CSGALNACT1: variants seen among roughly 807,000 people sequenced by gnomAD.
CSGALNACT1 encodes the protein beta4GalNAcT-1.
A neutral mutation model predicts 51.0 loss-of-function variants in CSGALNACT1; 52 were observed. The ratio of observed to expected loss-of-function variants is 1.02; its 90% CI spans 0.82 to 1.29. The LOEUF is 1.29. CSGALNACT1 is among the 50% of genes most tolerant of loss of function. The probability of loss-of-function intolerance (pLI) is 0.00; values close to 1 mark genes in which losing one functional copy is unlikely to be tolerated. For synonymous variants in CSGALNACT1, 341 were observed against 254.4 expected, an observed-to-expected ratio of 1.34 and a Z score of -3.24; for missense variants, 935 against 679.2, an observed-to-expected ratio of 1.38 and a Z score of -4.19.
intron 6 of CSGALNACT1, among the ~76,000 whole-genome samples, chr8:19,422,156 A>C (rs1029893091): frequency 6.6e-6 from 1 of 152,046 alleles, no homozygotes; most frequent in African/African-American, 2.4e-5. Context: ...AAAAAAACTT[A>C]CTTTACATAT....
At chr8:19,558,064 G>C (rs1045071278) in intron 3 of CSGALNACT1, among the ~76,000 whole-genome samples, 1 of 152,178 alleles carries the variant, frequency 6.6e-6, no homozygotes, top group African/African-American at 2.4e-5. Flanking sequence ...TCTTGGACAA[G>C]GAAATTGTAC....
At chr8:19,528,456 G>T (rs62493885) in intron 3 of CSGALNACT1, among the ~76,000 whole-genome samples, 11 of 151,902 alleles carry the variant, frequency 7.2e-5, no homozygotes, top group Non-Finnish European at 1.2e-4. Context: ...ACAAAAACAA[G>T]GTCAACATGT....
upstream of CSGALNACT1, among the ~76,000 whole-genome samples, chr8:19,686,449 T>G (rs2060982905): frequency 6.6e-6 from 1 of 152,184 alleles, no homozygotes; most frequent in East Asian, 1.9e-4. Flanking sequence ...TAACTGACCT[T>G]CCTCTTTGCA....
intron 4 of CSGALNACT1, among the ~76,000 whole-genome samples, chr8:19,490,622 T>C (rs1462455063): frequency 2.0e-5 from 3 of 152,194 alleles, no homozygotes; most frequent in African/African-American, 2.4e-5. Context: ...TAGTGCTATA[T>C]GCTGATTGGT....
chr8:19,551,466 G>A (rs1452772286), intron 3 of CSGALNACT1, among the ~76,000 whole-genome samples: 2 of 152,212 alleles, frequency 1.3e-5, no homozygotes, highest in Non-Finnish European at 2.9e-5. Context: ...GGGTGGCAAA[G>A]TCAGTAGGGT....
intron 8 of CSGALNACT1, among the ~76,000 whole-genome samples, chr8:19,412,652 C>T (rs908805942): frequency 6.6e-6 from 1 of 152,184 alleles, no homozygotes; most frequent in African/African-American, 2.4e-5. Flanking sequence ...CTGCACAGGG[C>T]CCCCATACAT....
At chr8:19,621,442 C>T (rs1385532528) in intron 1 of CSGALNACT1, among the ~76,000 whole-genome samples, 1 of 152,062 alleles carries the variant, frequency 6.6e-6, no homozygotes, top group East Asian at 1.9e-4. Context: ...AACAAGTGTA[C>T]TTCCAACATG....
chr8:19,540,719 GGGTCACGCTGTCT>G (rs1326211749), intron 3 of CSGALNACT1, among the ~76,000 whole-genome samples: 1 of 152,118 alleles, frequency 6.6e-6, no homozygotes, highest in Non-Finnish European at 1.5e-5. Context: ...ATTTCTCAAT[GGGTCACGCTGTCT>G]TCTTGCCTGG....
chr8:19,562,687 C>T lies in CSGALNACT1; in HGVS notation c.-297+28473G>A, dbSNP rs911914456. Reference sequence around the variant, plus strand: ...AAGAAACATATGAAGAAAAGCTCAACATCACTTATCATTAGAGAAATGCAA... The same window carrying T: ...AAGAAACATATGAAGAAAAGCTCAATATCACTTATCATTAGAGAAATGCAA... On this transcript the variant is annotated intron_variant, in intron 3 of 9. Coordinates refer to ENST00000454498, the Ensembl canonical transcript of CSGALNACT1. Among the ~76,000 whole-genome samples, 4 of 152,192 alleles carry T rather than the reference C, an allele frequency of 2.6e-5. No homozygotes were observed. The East Asian group carries it at 7.7e-4, about 29-fold the overall frequency.
intron 5 of CSGALNACT1, among the ~76,000 whole-genome samples, chr8:19,451,358 T>C (rs772893322): frequency 1.2e-4 from 19 of 152,344 alleles, no homozygotes; most frequent in Non-Finnish European, 2.4e-4. Context: ...CATATTGTTA[T>C]TGAGTCCTTG....
intron 1 of CSGALNACT1, among the ~76,000 whole-genome samples, chr8:19,647,623 C>T (rs138316001): frequency 0.017 from 2,619 of 152,132 alleles, 46 homozygotes; most frequent in Admixed American, 0.026. Flanking sequence ...TTCAACAGAG[C>T]GGTGTATTAG....
intron 1 of CSGALNACT1, among the ~76,000 whole-genome samples, chr8:19,737,444 T>C (rs554789420): frequency 1.3e-5 from 2 of 152,316 alleles, no homozygotes; most frequent in South Asian, 4.1e-4. Flanking sequence ...AGTTTTCTAA[T>C]ACTTTCTTTT....
At chr8:19,630,224 GTGTGTGTGTGTGTGTGTGTA>G (rs1454818334) in intron 1 of CSGALNACT1, among the ~76,000 whole-genome samples, 12 of 148,932 alleles carry the variant, frequency 8.1e-5, no homozygotes, top group African/African-American at 1.0e-4. Flanking sequence ...GTGTGTGTGT[GTGTGTGTGTGTGTGTGTGTA>G]TGTGTGTGTG....
At chr8:19,404,290 A>T (rs1299508692) in exon 10 of CSGALNACT1, 3 of 451,066 alleles carry the variant, frequency 6.7e-6, no homozygotes, top group Non-Finnish European at 1.3e-5. Context: ...CAACAGCTTG[A>T]ATGTTCTTGA....
rs1442146603 is a variant in CSGALNACT1, at chr8:19,667,021, AAGGAAGG to A, written c.-544+15445_-544+15451del. 2.7e-3 allele frequency among the ~76,000 whole-genome samples: 110 copies of A among 41,376 alleles called. 7 individuals are homozygous for A. Among genetic ancestry groups the A allele is most frequent in the Middle Eastern group, 0.015 (1 of 66 alleles). The allele number at this position is 41,376 out of a possible 152,430, so 27.1% of individuals were successfully genotyped here. A position where few individuals can be genotyped will look rare whatever the true frequency, so the allele number is the denominator to read the frequency against. On this transcript the variant is annotated intron_variant, in intron 1 of 9. Coordinates refer to the CSGALNACT1 transcript ENST00000332246. ...AAAGAAAGAAAGAAAGAAAGAAAGG[AAGGAAGG>A]AAGGAAGGAAGGAAGAAAGAAAGAA...
Position 19,505,330 on chromosome 8 carries a change from C to A in CSGALNACT1, c.505G>T (p.Glu169Ter), listed in dbSNP as rs745894567. 1.2e-6 allele frequency: 2 copies of A among 1,614,200 alleles called. No individual in the cohort carries two copies. Among genetic ancestry groups the A allele is most frequent in the South Asian group, 1.1e-5 (1 of 91,084 alleles). ...CGCTTGTCCTTCCTCACAGGCTTCT[C>A]CTCGGGGTGGCGGGTAAGGCCAGTC... is the stretch of plus-strand genomic sequence containing the variant. Residue 169 changes from glutamate (E) to a stop codon, truncating the protein, a stop_gained, in exon 4 of 10, where the codon GAG (glutamate) becomes TAG (stop). Transcript: ENST00000454498. LOFTEE classifies it high-confidence loss of function.
chr8:19,645,995 A>C (rs1756252714), intron 1 of CSGALNACT1, among the ~76,000 whole-genome samples: 1 of 152,254 alleles, frequency 6.6e-6, no homozygotes, highest in African/African-American at 2.4e-5. Context: ...AGCATGTTAT[A>C]GAAAATACAA....
intron 3 of CSGALNACT1, among the ~76,000 whole-genome samples, chr8:19,528,280 A>G (rs2082093375): frequency 6.8e-6 from 1 of 146,096 alleles, no homozygotes; most frequent in African/African-American, 2.6e-5. Context: ...AAAGAAAAAG[A>G]AAAAAAAAAA....
At chr8:19,584,265 G>C (rs937694416) in intron 3 of CSGALNACT1, among the ~76,000 whole-genome samples, 1 of 152,208 alleles carries the variant, frequency 6.6e-6, no homozygotes, top group African/African-American at 2.4e-5. Flanking sequence ...TGAAAGCTTA[G>C]AATCCTGTGG....
Sources: gnomAD v4.1 joint callset for allele counts (sites outside exome capture counted in the v4.1 genomes callset) on GRCh38, gnomAD v4.1.1 for gene constraint, MANE v1.5 for transcripts, NCBI Gene and HGNC (gene_info 2026-07-23, HGNC 2026-07-21) for gene names.